Variants in STPG2 observed in about 807,000 individuals in gnomAD.
STPG2 encodes the protein sperm tail PG-rich repeat containing 2, also known as sperm-tail PG-rich repeat-containing protein 2.
In STPG2, 56 loss-of-function variants were observed where a neutral mutation model predicts 54.2. The ratio of observed to expected loss-of-function variants is 1.03; its 90% confidence interval spans 0.83 to 1.29. STPG2 has a LOEUF of 1.29. Among genes scored for constraint, STPG2 ranks in the 50% most tolerant of loss-of-function variants. STPG2 has a pLI of 0.00. For synonymous variants in STPG2, 200 were observed against 181.8 expected (o/e 1.10, Z -0.81); for missense variants, 596 against 544.9 (o/e 1.09, Z -0.93).
At position 97,877,691 on chromosome 4, in the gene STPG2, G is replaced by A. The variant is rs139767355; in HGVS notation, c.1045-36759C>T. On this transcript the variant is annotated intron_variant, in intron 8 of 10. Transcript: ENST00000295268. The stretch of plus-strand genomic sequence containing the variant: ...CCCTCCCACAACATGGGGGAATTAC[G>A]GGAGCTACAATTCAAGATGGGATTT... Among the ~76,000 whole-genome samples the A allele has an allele frequency of 1.6e-4, 24 of 152,202 alleles. 1 individual carries two copies. Among genetic ancestry groups the A allele is most frequent in the African/African-American group, 4.6e-4 (19 of 41,552 alleles).
rs988015023 is a variant in STPG2, at chr4:97,719,618, G to A, written c.1205-6804C>T. Among the ~76,000 whole-genome samples the A allele has an allele frequency of 3.3e-5, 5 of 151,932 alleles. 1 individual carries two copies. Among genetic ancestry groups the A allele is most frequent in the Middle Eastern group, 6.8e-3 (2 of 294 alleles). On this transcript the variant is annotated intron_variant, in intron 9 of 10. Transcript: ENST00000295268. Reference sequence around the variant, plus strand: ...GATCCAAACAAAGAATAAACCTTCCGAAATTCTGGATGAGACTATAATTTT... The same window carrying A: ...GATCCAAACAAAGAATAAACCTTCCAAAATTCTGGATGAGACTATAATTTT...
chr4:97,823,273 T>C (rs1728142054), intron 9 of STPG2, among the ~76,000 whole-genome samples: 1 of 152,226 alleles, frequency 6.6e-6, no homozygotes, highest in African/African-American at 2.4e-5. Flanking sequence ...AAGGATAGGC[T>C]GACTCTGGAG....
At chr4:97,499,510 A>G (rs1438044297) in intron 4 of STPG2, among the ~76,000 whole-genome samples, 1 of 151,164 alleles carries the variant, frequency 6.6e-6, no homozygotes, top group African/African-American at 2.4e-5. Context: ...CAAACCAAGT[A>G]AATTTCCTTT....
At chr4:97,914,134 A>C (rs186905615) in intron 8 of STPG2, among the ~76,000 whole-genome samples, 1 of 152,338 alleles carries the variant, frequency 6.6e-6, no homozygotes, top group South Asian at 2.1e-4. Context: ...GACACCAACA[A>C]GCACGAAAAT....
intron 7 of STPG2, among the ~76,000 whole-genome samples, chr4:97,955,557 GT>G (rs1469949005): frequency 6.6e-6 from 1 of 152,078 alleles, no homozygotes; most frequent in Non-Finnish European, 1.5e-5. Flanking sequence ...ATGGTGAATA[GT>G]TCTAACACAT....
chr4:98,018,627 C>T (rs1251603679), intron 5 of STPG2, among the ~76,000 whole-genome samples: 1 of 152,026 alleles, frequency 6.6e-6, no homozygotes, highest in Non-Finnish European at 1.5e-5. Context: ...AGTTTATAGT[C>T]CCACCAACAG....
chr4:97,497,530 T>C (rs901490516), intron 4 of STPG2, among the ~76,000 whole-genome samples: 2 of 151,894 alleles, frequency 1.3e-5, no homozygotes, highest in African/African-American at 4.8e-5. Context: ...ACTTCTGTTA[T>C]TTAAAATCTT....
At chr4:98,024,031 AC>A (rs1736331369) in intron 5 of STPG2, among the ~76,000 whole-genome samples, 1 of 151,902 alleles carries the variant, frequency 6.6e-6, no homozygotes, top group Non-Finnish European at 1.5e-5. Flanking sequence ...AGTTCGCTGC[AC>A]CCACTGTCCT....
chr4:97,953,666 C>A (rs1391391329), intron 7 of STPG2, among the ~76,000 whole-genome samples: 1 of 152,244 alleles, frequency 6.6e-6, no homozygotes, highest in Non-Finnish European at 1.5e-5. Flanking sequence ...TAAATCAGTT[C>A]TAGCACTGGG....
intron 10 of STPG2, among the ~76,000 whole-genome samples, chr4:97,675,615 C>A (rs1722813631): frequency 6.6e-6 from 1 of 151,898 alleles, no homozygotes; most frequent in African/African-American, 2.4e-5. Context: ...GGCTCTCCAG[C>A]TGAAATTGCA....
chr4:98,104,345 G>A (rs972983097), intron 5 of STPG2, among the ~76,000 whole-genome samples: 1 of 152,038 alleles, frequency 6.6e-6, no homozygotes, highest in African/African-American at 2.4e-5. Flanking sequence ...TATTTGCTAT[G>A]ACAATAAAGC....
intron 10 of STPG2, among the ~76,000 whole-genome samples, chr4:97,579,523 A>G (rs1732810144): frequency 6.6e-6 from 1 of 152,112 alleles, no homozygotes; most frequent in Non-Finnish European, 1.5e-5. Flanking sequence ...TTTAAACTCC[A>G]TTTTAAAATA....
chr4:97,974,880 C>T (rs1734450833), intron 6 of STPG2, among the ~76,000 whole-genome samples: 1 of 151,898 alleles, frequency 6.6e-6, no homozygotes, highest in African/African-American at 2.4e-5. Context: ...AGGTATTTTC[C>T]CAAAAGAAAT....
chr4:97,907,250 G>C (rs1180726073), intron 8 of STPG2, among the ~76,000 whole-genome samples: 4 of 150,888 alleles, frequency 2.7e-5, no homozygotes, highest in African/African-American at 7.3e-5. Flanking sequence ...CAAATCATGA[G>C]TGAACTCCCA....
chr4:97,921,506 G>T (rs1732106279), intron 8 of STPG2, among the ~76,000 whole-genome samples: 1 of 151,750 alleles, frequency 6.6e-6, no homozygotes. Flanking sequence ...TGACAAAACT[G>T]AAAAATTCCA....
chr4:97,942,000 T>A (rs1453927983), intron 8 of STPG2, among the ~76,000 whole-genome samples: 3 of 151,820 alleles, frequency 2.0e-5, no homozygotes, highest in Non-Finnish European at 2.9e-5. Flanking sequence ...AGGGACAAAG[T>A]TAAAAGAAAA....
At chr4:97,933,665 G>A (rs754643271) in intron 8 of STPG2, among the ~76,000 whole-genome samples, 1 of 152,152 alleles carries the variant, frequency 6.6e-6, no homozygotes, top group Non-Finnish European at 1.5e-5. Context: ...TCAAAGATCA[G>A]ATGGTTGTAG....
intron 5 of STPG2, among the ~76,000 whole-genome samples, chr4:98,095,507 G>A (rs1738830633): frequency 6.6e-6 from 1 of 152,150 alleles, no homozygotes; most frequent in South Asian, 2.1e-4. Flanking sequence ...CCAAAAAAGA[G>A]CAAGAGTAGC....
At chr4:98,113,863 A>C (rs779458206) in intron 3 of STPG2, among the ~76,000 whole-genome samples, 2 of 152,062 alleles carry the variant, frequency 1.3e-5, no homozygotes, top group Non-Finnish European at 2.9e-5. Flanking sequence ...ATAACACAAA[A>C]GGAAATAAGG....
Sources: allele counts gnomAD v4.1 joint callset (sites outside exome capture counted in the v4.1 genomes callset), GRCh38; gene constraint gnomAD v4.1.1; transcripts MANE v1.5; gene names NCBI Gene and HGNC (gene_info 2026-07-23, HGNC 2026-07-21).